The following NFATC1 variants were observed in gnomAD, a reference collection of about 807,000 sequenced individuals.
The protein encoded by NFATC1 is nuclear factor of activated T cells 1.
NFATC1 carries 22 observed loss-of-function variants against 76.0 expected under a neutral mutation model. The observed-to-expected ratio is 0.29, with a 90% CI of 0.21 to 0.41. The LOEUF is 0.41. Among genes scored for constraint, NFATC1 ranks in the 10% least tolerant of loss-of-function variants. The pLI is 1.00. For synonymous variants in NFATC1, 704 were observed against 613.1 expected, an observed-to-expected ratio of 1.15 and a Z score of -2.19; for missense variants, 1,357 against 1,337.7, an observed-to-expected ratio of 1.01 and a Z score of -0.23.
chr18:79,486,226 A>ATTTT, intron 8 of NFATC1, 22 bp from the exon 9 acceptor site: 1 of 1,517,174 alleles, frequency 6.6e-7, no homozygotes, highest in Non-Finnish European at 9.0e-7. Context: ...TGTTTATTTA[A>ATTTT]TTTTTTTTTT....
At chr18:79,492,629 A>C (rs2089713623) in intron 9 of NFATC1, among the ~76,000 whole-genome samples, 1 of 152,068 alleles carries the variant, frequency 6.6e-6, no homozygotes, top group African/African-American at 2.4e-5. Flanking sequence ...GAATGGCGTG[A>C]ACCTGGGAGG....
intron 8 of NFATC1, among the ~76,000 whole-genome samples, chr18:79,478,451 C>G (rs2089160844): frequency 6.6e-6 from 1 of 152,128 alleles, no homozygotes; most frequent in African/African-American, 2.4e-5. Flanking sequence ...AGGGGCTCTG[C>G]CTGCCCTGGG....
chr18:79,494,211 G>GC (rs1200691451), intron 9 of NFATC1, among the ~76,000 whole-genome samples: 6 of 151,892 alleles, frequency 4.0e-5, no homozygotes, highest in African/African-American at 9.7e-5. Context: ...GCGGGCACAC[G>GC]CCCCCCATCA....
intron 3 of NFATC1, among the ~76,000 whole-genome samples, chr18:79,444,857 C>T (rs1043390091): frequency 5.3e-5 from 8 of 152,260 alleles, no homozygotes; most frequent in Non-Finnish European, 1.5e-5. Context: ...GGCTTCTGCA[C>T]ACCACACAGC....
At chr18:79,498,195 T>C (rs2089939517) in intron 9 of NFATC1, 1 of 152,176 alleles carries the variant, frequency 6.6e-6, no homozygotes, top group Non-Finnish European at 1.5e-5. Flanking sequence ...GAAAAATCTG[T>C]AGCCCCTGAG....
intron 2 of NFATC1, among the ~76,000 whole-genome samples, chr18:79,429,444 G>A (rs1396088612): frequency 6.6e-6 from 1 of 152,030 alleles, no homozygotes; most frequent in Non-Finnish European, 1.5e-5. Context: ...TGAGTTTGAA[G>A]TTGTTGGAAT....
chr18:79,512,777 G>A (rs1215264274), intron 9 of NFATC1, among the ~76,000 whole-genome samples: 5 of 152,210 alleles, frequency 3.3e-5, no homozygotes, highest in South Asian at 2.1e-4. Context: ...CATCCCACTC[G>A]AGCTCTCAGC....
Position 79,451,047 on chromosome 18 carries a change from G to A in NFATC1, c.1683G>A (p.Arg561=), listed in dbSNP as rs746126607. The A allele has an allele frequency of 6.2e-7, 1 of 1,613,516 alleles. No individual in the cohort carries two copies. Among genetic ancestry groups the A allele is most frequent in the East Asian group, 2.2e-5 (1 of 44,888 alleles). The change falls in exon 5 of 10, where the codon CGG becomes CGA. Residue 561 remains arginine, a synonymous_variant. Transcript: ENST00000427363. Reference sequence around the variant, plus strand: ...TCGGGAGGAAGAACACACGGGTACGGCTGGTGTTCCGCGTTCACGTCCCGC... The same window carrying A: ...TCGGGAGGAAGAACACACGGGTACGACTGGTGTTCCGCGTTCACGTCCCGC... ...TDIGRKNTRV[R]LVFRVHVPQP... is the part of the protein sequence containing the mutation.
Position 79,451,727 on chromosome 18 carries a change from G to A in NFATC1, c.1814G>A (p.Ser605Asn). The A allele has an allele frequency of 1.2e-6, 2 of 1,613,092 alleles. No individual in the cohort carries two copies. ...CTGGTGGAGAAGCAGAGCACGGACAGCTATCCGGTCGTGGGCGGGAAGAAG... is the reference window on the plus strand; with the variant it reads ...CTGGTGGAGAAGCAGAGCACGGACAACTATCCGGTCGTGGGCGGGAAGAAG... Reference protein sequence around the residue: ...LPLVEKQSTDSYPVVGGKKMV... With the variant: ...LPLVEKQSTDNYPVVGGKKMV... The change falls in exon 6 of 10, where the codon AGC (serine) becomes AAC (asparagine). Residue 605 changes from serine to asparagine, a missense_variant. Ser to Asn is a conservative substitution (Grantham distance 46). Coordinates refer to ENST00000427363, the MANE Select transcript of NFATC1 (RefSeq NM_001278669.2).
chr18:79,399,355 C>T (rs9953344), intron 1 of NFATC1, among the ~76,000 whole-genome samples: 14,367 of 152,352 alleles, frequency 0.094, 749 homozygotes, highest in Middle Eastern at 0.23. Context: ...GCCCGCGGGG[C>T]AGGCCAGAGG....
intron 7 of NFATC1, among the ~76,000 whole-genome samples, chr18:79,466,389 C>G (rs1600823651): frequency 6.6e-6 from 1 of 152,198 alleles, no homozygotes; most frequent in African/African-American, 2.4e-5. Flanking sequence ...CCCCAGATAC[C>G]AAGTGCCGCC....
chr18:79,478,629 C>T (rs1010321175), intron 8 of NFATC1, among the ~76,000 whole-genome samples: 5 of 152,206 alleles, frequency 3.3e-5, no homozygotes, highest in South Asian at 4.1e-4. Context: ...CTTTGGCTGA[C>T]GATGGCCGTG....
intron 2 of NFATC1, among the ~76,000 whole-genome samples, chr18:79,416,784 C>T (rs905687585): frequency 3.9e-5 from 6 of 152,250 alleles, no homozygotes; most frequent in South Asian, 2.1e-4. Context: ...GAAGCCACGT[C>T]GCCCTGGCTC....
intron 3 of NFATC1, among the ~76,000 whole-genome samples, chr18:79,439,648 A>T (rs2086902420): frequency 6.6e-6 from 1 of 152,246 alleles, no homozygotes; most frequent in South Asian, 2.1e-4. Flanking sequence ...TGCAGCTGGG[A>T]GAGCACACAT....
At chr18:79,502,342 G>A (rs928289015) in intron 9 of NFATC1, among the ~76,000 whole-genome samples, 7 of 152,316 alleles carry the variant, frequency 4.6e-5, no homozygotes, top group African/African-American at 1.7e-4. Context: ...CTTGATCTTG[G>A]ACTAGTAGGA....
rs146327180 is a variant in NFATC1 at position 79,427,183 on chromosome 18, G to A, written c.1227-6396G>A. ...GTGTCCGATGTCTCTGTGCCATGCCGTGACGTTGTCCTTCACGTAAAGTTT... is the reference window on the plus strand; with the variant it reads ...GTGTCCGATGTCTCTGTGCCATGCCATGACGTTGTCCTTCACGTAAAGTTT... On this transcript the variant is annotated intron_variant, in intron 2 of 9. Transcript: ENST00000427363. Among the ~76,000 whole-genome samples the A allele has an allele frequency of 1.4e-4, 22 of 152,352 alleles. No individual in the cohort carries two copies. The East Asian group carries it at 3.9e-3, about 27-fold the overall frequency.
At chr18:79,420,421 A>T (rs1284477809) in intron 2 of NFATC1, among the ~76,000 whole-genome samples, 1 of 145,444 alleles carries the variant, frequency 6.9e-6, no homozygotes. Flanking sequence ...AGAGGGGAAG[A>T]GGGGGACGCC....
At chr18:79,522,903 C>G (rs539726007) in intron 9 of NFATC1, among the ~76,000 whole-genome samples, 3 of 152,200 alleles carry the variant, frequency 2.0e-5, no homozygotes, top group Non-Finnish European at 4.4e-5. Context: ...GCTTGCCCAG[C>G]GGGGCCCCAG....
chr18:79,513,045 T>C (rs1480212063), intron 9 of NFATC1, among the ~76,000 whole-genome samples: 2 of 152,238 alleles, frequency 1.3e-5, no homozygotes, highest in Non-Finnish European at 2.9e-5. Flanking sequence ...GTATCTGCCA[T>C]GTTTTTAAAG....
Sources: gnomAD v4.1 joint callset for allele counts (sites outside exome capture counted in the v4.1 genomes callset) on GRCh38, gnomAD v4.1.1 for gene constraint, MANE v1.5 for transcripts, NCBI Gene and HGNC (gene_info 2026-07-23, HGNC 2026-07-21) for gene names.